Variants in NEGR1 observed in about 807,000 individuals in gnomAD.
NEGR1 encodes neuronal growth regulator 1, also known as IgLON family member 4.
NEGR1 carries 10 observed loss-of-function variants against 40.9 expected under a neutral mutation model. The observed-to-expected ratio is 0.24, with a 90% CI of 0.15 to 0.42. The LOEUF is 0.42. Among genes scored for constraint, NEGR1 ranks in the 10% least tolerant of loss-of-function variants. The pLI, the probability that NEGR1 is intolerant of heterozygous loss-of-function variation, is 1.00. For missense variants in NEGR1, 352 were observed against 438.9 expected (o/e 0.80, Z 1.77); for synonymous variants, 185 against 166.8 (o/e 1.11, Z -0.84).
At chr1:71,566,574 C>T (rs1262459285) in intron 6 of NEGR1, among the ~76,000 whole-genome samples, 1 of 152,088 alleles carries the variant, frequency 6.6e-6, no homozygotes, top group Admixed American at 6.6e-5. Flanking sequence ...GGATTTGAAA[C>T]CAGAGCTGTC....
At chr1:71,841,074 C>A (rs186981330) in intron 2 of NEGR1, among the ~76,000 whole-genome samples, 431 of 152,014 alleles carry the variant, frequency 2.8e-3, no homozygotes, top group South Asian at 7.1e-3. Context: ...CTTTCTCTCT[C>A]TCTATATATA....
At chr1:71,936,509 G>GGCCTTCT (rs1180907260) in intron 1 of NEGR1, among the ~76,000 whole-genome samples, 11 of 152,132 alleles carry the variant, frequency 7.2e-5, no homozygotes, top group Non-Finnish European at 1.5e-4. Context: ...AAGGCATAAA[G>GGCCTTCT]GCCTTCTGAA....
chr1:71,894,352 C>T lies in NEGR1; in HGVS notation c.409+40727G>A, dbSNP rs538018436. Among the ~76,000 whole-genome samples the T allele has an allele frequency of 4.6e-5, 7 of 152,118 alleles. No individual in the cohort carries two copies. The South Asian group carries it at 1.5e-3, about 32-fold the overall frequency. Reference sequence around the variant, plus strand: ...TGTAGTAGTTCAAGAATCAGGGGAACCACATTGAAACAGGAATAGGGGCTC... The same window carrying T: ...TGTAGTAGTTCAAGAATCAGGGGAATCACATTGAAACAGGAATAGGGGCTC... On this transcript the variant is annotated intron_variant, in intron 2 of 6. Transcript: ENST00000357731.
chr1:71,763,416 A>G (rs889971651), intron 3 of NEGR1, among the ~76,000 whole-genome samples: 2 of 152,182 alleles, frequency 1.3e-5, no homozygotes, highest in Non-Finnish European at 2.9e-5. Context: ...AACTGGGTGA[A>G]GAGTACATGA....
intron 1 of NEGR1, among the ~76,000 whole-genome samples, chr1:72,066,934 A>G (rs1208451153): frequency 6.6e-6 from 1 of 152,126 alleles, no homozygotes; most frequent in Non-Finnish European, 1.5e-5. Context: ...ATATTTCCAG[A>G]GCAGGAAAGT....
chr1:71,513,158 C>T (rs1647088858), intron 6 of NEGR1, among the ~76,000 whole-genome samples: 1 of 136,120 alleles, frequency 7.3e-6, no homozygotes, highest in African/African-American at 2.7e-5. Flanking sequence ...TATAATTATA[C>T]TACATATAAT....
At chr1:71,527,435 C>G (rs1243018433) in intron 6 of NEGR1, among the ~76,000 whole-genome samples, 4 of 150,930 alleles carry the variant, frequency 2.7e-5, no homozygotes, top group Non-Finnish European at 1.5e-5. Flanking sequence ...ATCCATCCAT[C>G]CATCCATCCA....
intron 6 of NEGR1, among the ~76,000 whole-genome samples, chr1:71,528,191 C>G (rs1024571094): frequency 1.3e-5 from 2 of 151,236 alleles, no homozygotes; most frequent in Admixed American, 1.3e-4. Context: ...ACCATTTTGA[C>G]TTTTTAAGTT....
At chr1:71,448,197 TAGA>T (rs1208477658) in intron 6 of NEGR1, among the ~76,000 whole-genome samples, 11 of 150,298 alleles carry the variant, frequency 7.3e-5, no homozygotes, top group African/African-American at 2.7e-4. Context: ...GAACGGAGCT[TAGA>T]AGAAGAGACT....
chr1:71,742,392 C>T (rs1315100205), intron 3 of NEGR1, among the ~76,000 whole-genome samples: 1 of 152,058 alleles, frequency 6.6e-6, no homozygotes, highest in East Asian at 1.9e-4. Context: ...GGGAGTTCTG[C>T]CCCACTGGGT....
intron 1 of NEGR1, among the ~76,000 whole-genome samples, chr1:72,233,385 A>G (rs948329330): frequency 2.0e-5 from 3 of 152,126 alleles, no homozygotes; most frequent in Non-Finnish European, 4.4e-5. Context: ...GGTGTGAATG[A>G]TACTGTCAAT....
At chr1:72,252,817 T>G (rs2100532838) in intron 1 of NEGR1, among the ~76,000 whole-genome samples, 1 of 152,288 alleles carries the variant, frequency 6.6e-6, no homozygotes, top group South Asian at 2.1e-4. Context: ...ACATATAAAT[T>G]TATGGATCTA....
At chr1:72,253,930 A>T (rs1469018907) in intron 1 of NEGR1, among the ~76,000 whole-genome samples, 1 of 152,178 alleles carries the variant, frequency 6.6e-6, no homozygotes, top group African/African-American at 2.4e-5. Flanking sequence ...AAGTCATATA[A>T]TTTTTTAAAT....
chr1:72,196,814 A>G (rs1323871582), intron 1 of NEGR1, among the ~76,000 whole-genome samples: 1 of 151,854 alleles, frequency 6.6e-6, no homozygotes, highest in Non-Finnish European at 1.5e-5. Context: ...ATGTAACTAC[A>G]ATAAAAGGAT....
chr1:72,243,729 T>C (rs747205301), intron 1 of NEGR1, among the ~76,000 whole-genome samples: 29 of 151,852 alleles, frequency 1.9e-4, no homozygotes, highest in Non-Finnish European at 3.8e-4. Flanking sequence ...TGCTGGATTA[T>C]ATCAACTATA....
At chr1:71,858,961 C>G (rs1459731821) in intron 2 of NEGR1, among the ~76,000 whole-genome samples, 4 of 152,004 alleles carry the variant, frequency 2.6e-5, no homozygotes, top group African/African-American at 9.7e-5. Context: ...CCCTGTAACT[C>G]TTACTAGAAG....
intron 1 of NEGR1, among the ~76,000 whole-genome samples, chr1:72,121,603 C>T (rs892535424): frequency 2.0e-5 from 3 of 151,824 alleles, no homozygotes; most frequent in South Asian, 2.1e-4. Context: ...ACCCTCTCTC[C>T]TTGTTACAGA....
chr1:72,089,789 T>C (rs1368660515), intron 1 of NEGR1, among the ~76,000 whole-genome samples: 2 of 152,156 alleles, frequency 1.3e-5, no homozygotes, highest in Non-Finnish European at 2.9e-5. Flanking sequence ...AGACAAAAGA[T>C]TAAATTATGG....
chr1:72,122,200 T>G (rs533975483), intron 1 of NEGR1, among the ~76,000 whole-genome samples: 1 of 152,132 alleles, frequency 6.6e-6, no homozygotes, highest in African/African-American at 2.4e-5. Context: ...CATGCTGTCT[T>G]CATCTATTTC....
Sources: allele counts gnomAD v4.1 joint callset (sites outside exome capture counted in the v4.1 genomes callset), GRCh38; gene constraint gnomAD v4.1.1; transcripts MANE v1.5; gene names NCBI Gene and HGNC (gene_info 2026-07-23, HGNC 2026-07-21).